SMAD7: variants seen among roughly 807,000 people sequenced by gnomAD.
SMAD7 encodes the protein MAD (mothers against decapentaplegic, Drosophila) homolog 7.
In SMAD7, 8 loss-of-function variants were observed where a neutral mutation model predicts 38.7. The observed-to-expected ratio is 0.21, with a 90% confidence interval of 0.12 to 0.37. The LOEUF is 0.37. SMAD7 is among the 10% of genes least tolerant of loss of function. The pLI is 1.00. For synonymous variants in SMAD7, 327 were observed against 265.1 expected, an observed-to-expected ratio of 1.23 and a Z score of -2.27; for missense variants, 477 against 577.9, an observed-to-expected ratio of 0.83 and a Z score of 1.79.
chr18:48,924,631 G>A (rs1236987962), intron 3 of SMAD7, among the ~76,000 whole-genome samples: 1 of 152,206 alleles, frequency 6.6e-6, no homozygotes, highest in African/African-American at 2.4e-5. Context: ...GAATGCTGCT[G>A]TGTGTGAACA....
At chr18:48,940,758 C>A (rs988938518) in intron 3 of SMAD7, among the ~76,000 whole-genome samples, 2 of 149,200 alleles carry the variant, frequency 1.3e-5, no homozygotes, top group Admixed American at 6.7e-5. Context: ...CTGTGTGAGC[C>A]GAAATCGCGC....
intron 3 of SMAD7, among the ~76,000 whole-genome samples, chr18:48,929,588 C>CACACACACACAT (rs2069971833): frequency 2.0e-5 from 3 of 151,388 alleles, no homozygotes; most frequent in Non-Finnish European, 4.4e-5. Context: ...CACACACACA[C>CACACACACACAT]ACACACACAC....
In SMAD7 at chr18:48,949,647, T is replaced by TTCCCAGGAGGGTATGCACACTC. The variant is rs1221103119; in HGVS notation, c.613+143_613+164dup. 2.9e-3 allele frequency among the ~76,000 whole-genome samples: 445 copies of TTCCCAGGAGGGTATGCACACTC among 151,734 alleles called. 1 individual carries two copies. Among genetic ancestry groups the TTCCCAGGAGGGTATGCACACTC allele is most frequent in the Non-Finnish European group, 4.7e-3 (316 of 67,762 alleles). ...TTCTCTACTTTCAGCCCCCAGTCTCTTCCCAGGAGGGTATGCACACTCTCC... is the reference window on the plus strand; with the variant it reads ...TTCTCTACTTTCAGCCCCCAGTCTCTTCCCAGGAGGGTATGCACACTCTCCCAGGAGGGTATGCACACTCTCC... On this transcript the variant is annotated intron_variant, in intron 1 of 3. Coordinates refer to ENST00000262158, the MANE Select transcript of SMAD7 (RefSeq NM_005904.4).
At position 48,950,484 on chromosome 18, in the gene SMAD7, G is replaced by T. The variant is rs1220149806; in HGVS notation, c.-60C>A. 5.5e-6 allele frequency: 8 copies of T among 1,467,378 alleles called. No homozygotes were observed. Among genetic ancestry groups the T allele is most frequent in the Non-Finnish European group, 7.3e-6 (8 of 1,101,258 alleles). 90.9% of individuals were successfully genotyped at this position (1,467,378 alleles called of 1,614,324 possible). A position where few individuals can be genotyped will look rare whatever the true frequency, so the allele number is the denominator to read the frequency against. On this transcript the variant is annotated 5_prime_UTR_variant, in exon 1 of 4. It introduces an in-frame stop codon into an upstream open reading frame of the 5' UTR. Coordinates refer to ENST00000262158, the MANE Select transcript of SMAD7 (RefSeq NM_005904.4). ...CTGCTAAGGAGCGAACATGACCTCC[G>T]CACACCATGAAGAAGTCGGGCGCCG... is the stretch of plus-strand genomic sequence containing the variant.
At chr18:48,923,535 C>T (rs2069889573) in intron 3 of SMAD7, among the ~76,000 whole-genome samples, 1 of 152,114 alleles carries the variant, frequency 6.6e-6, no homozygotes, top group Admixed American at 6.5e-5. Context: ...GTCAGTAAGG[C>T]CATACAAATG....
intron 3 of SMAD7, chr18:48,933,847 A>G (rs1332057925): frequency 2.0e-5 from 3 of 152,274 alleles, no homozygotes; most frequent in African/African-American, 7.2e-5. Context: ...CAAGTGTTCA[A>G]CAATGCTTTT....
chr18:48,942,592 C>T (rs189793282), intron 2 of SMAD7, 37 bp from the exon 3 acceptor site: 15 of 1,613,340 alleles, frequency 9.3e-6, no homozygotes, highest in East Asian at 2.2e-5. Flanking sequence ...GAAATAAATA[C>T]ACAAATAAAA....
In SMAD7 at chr18:48,950,063, G is replaced by T; in HGVS notation, c.362C>A (p.Thr121Lys). The T allele has an allele frequency of 1.4e-6, 2 of 1,437,778 alleles. No homozygotes were observed. The highest frequency in any genetic ancestry group is 1.8e-6 in the Non-Finnish European group (2 of 1,098,538). The allele number at this position is 1,437,778 out of a possible 1,614,324, so 89.1% of individuals were successfully genotyped here. Residue 121 changes from threonine (T) to lysine (K), a missense_variant, in exon 1 of 4, where the codon ACG (threonine) becomes AAG (lysine). Coordinates refer to ENST00000262158, the MANE Select transcript of SMAD7 (RefSeq NM_005904.4). ...GGGCAGCAGGAGGCACGCGGTGCGC[G>T]TCCCGCCGCGGGACTCCACGGCCTG... ...LLQAVESRGG[T>K]RTACLLLPGR...
intron 3 of SMAD7, among the ~76,000 whole-genome samples, chr18:48,930,596 C>A (rs1381641509): frequency 6.6e-6 from 1 of 152,100 alleles, no homozygotes; most frequent in Non-Finnish European, 1.5e-5. Context: ...CAGCACTGCC[C>A]CTCCCCCACC....
intron 3 of SMAD7, among the ~76,000 whole-genome samples, chr18:48,924,041 T>C (rs2069896180): frequency 6.6e-6 from 1 of 152,142 alleles, no homozygotes; most frequent in African/African-American, 2.4e-5. Context: ...GAAGGACACA[T>C]TGGCATCAAG....
intron 1 of SMAD7, 103 bp downstream of exon 1, chr18:48,949,709 C>A (rs772162139): frequency 4.6e-6 from 6 of 1,299,442 alleles, no homozygotes; most frequent in Non-Finnish European, 6.3e-6. Context: ...AGGGTATGCA[C>A]ACTCCCCCTG....
rs78305909 is a variant in SMAD7, at chr18:48,929,392, G to A, written c.743-7482C>T. On this transcript the variant is annotated intron_variant, in intron 3 of 3. Coordinates refer to ENST00000262158, the MANE Select transcript of SMAD7 (RefSeq NM_005904.4). ...AACAGAAAGTCTGTCGTGTCCAAGA[G>A]AAACTACCAAGTCAAGTCTCTTACC... is the stretch of plus-strand genomic sequence containing the variant. 3.3e-5 allele frequency among the ~76,000 whole-genome samples: 5 copies of A among 152,038 alleles called. No homozygotes were observed. In the East Asian group the frequency reaches 9.6e-4, roughly 29 times the overall value.
At chr18:48,928,488 ACT>A (rs2069955269) in intron 3 of SMAD7, among the ~76,000 whole-genome samples, 1 of 151,382 alleles carries the variant, frequency 6.6e-6, no homozygotes, top group South Asian at 2.1e-4. Context: ...ATGACTTTTT[ACT>A]CTGTCTTACT....
Position 48,950,550 on chromosome 18 carries a change from G to T in SMAD7, c.-126C>A. 2.3e-6 allele frequency: 2 copies of T among 887,714 alleles called. No individual in the cohort carries two copies. Among genetic ancestry groups the T allele is most frequent in the Non-Finnish European group, 3.1e-6 (2 of 635,874 alleles). 55.0% of individuals were successfully genotyped at this position (887,714 alleles called of 1,614,324 possible). On this transcript the variant is annotated 5_prime_UTR_variant, in exon 1 of 4. Transcript: ENST00000262158. ...CGCAGGCGACAGCAGCAGCAGCAGG[G>T]GCCCGGGCAGGAGCGGCGGCGGCCC...
intron 3 of SMAD7, among the ~76,000 whole-genome samples, chr18:48,939,514 C>G (rs1405752082): frequency 6.6e-6 from 1 of 151,952 alleles, no homozygotes; most frequent in Non-Finnish European, 1.5e-5. Flanking sequence ...GAAGGGCCAG[C>G]CTTGGAGTCA....
chr18:48,928,425 G>A (rs2069954165), intron 3 of SMAD7, among the ~76,000 whole-genome samples: 1 of 152,066 alleles, frequency 6.6e-6, no homozygotes, highest in Non-Finnish European at 1.5e-5. Context: ...GTCAGGTTTT[G>A]CTGTGTCCAT....
At chr18:48,944,120 T>C (rs1185856206) in intron 2 of SMAD7, among the ~76,000 whole-genome samples, 1 of 152,184 alleles carries the variant, frequency 6.6e-6, no homozygotes, top group African/African-American at 2.4e-5. Flanking sequence ...ATGGAGTTAC[T>C]TGTTAAATGG....
At position 48,950,317 on chromosome 18, in the gene SMAD7, C is replaced by T. The variant is rs2070248293; in HGVS notation, c.108G>A (p.Glu36=). Residue 36 remains glutamate (E), a synonymous_variant, in exon 1 of 4, where the codon GAG becomes GAA. Transcript: ENST00000262158. ...TGTCCGTCGCCCCTTCTCCCCGCAGCTCGCCTCCTCCTCCACCTCCCCCTG... is the reference window on the plus strand; with the variant it reads ...TGTCCGTCGCCCCTTCTCCCCGCAGTTCGCCTCCTCCTCCACCTCCCCCTG... ...EGAGGGGGGG[E]LRGEGATDSR... 2 of 1,536,140 alleles carry T rather than the reference C, an allele frequency of 1.3e-6. No homozygotes were observed. Among genetic ancestry groups the T allele is most frequent in the African/African-American group, 1.4e-5 (1 of 71,310 alleles).
chr18:48,931,216 GA>G (rs2069996198), intron 3 of SMAD7, among the ~76,000 whole-genome samples: 1 of 152,186 alleles, frequency 6.6e-6, no homozygotes, highest in Non-Finnish European at 1.5e-5. Flanking sequence ...TAGGGAAGAT[GA>G]AAAAGTTCTG....
Sources: gnomAD v4.1 joint callset for allele counts (sites outside exome capture counted in the v4.1 genomes callset) on GRCh38, gnomAD v4.1.1 for gene constraint, MANE v1.5 for transcripts, NCBI Gene and HGNC (gene_info 2026-07-23, HGNC 2026-07-21) for gene names.